CDC42BPB: variants seen among roughly 807,000 people sequenced by gnomAD.
CDC42BPB encodes the protein CDC42 binding protein kinase beta, also known as serine/threonine-protein kinase MRCK beta.
In CDC42BPB, 37 loss-of-function variants were observed where a neutral mutation model predicts 214.9. The observed-to-expected ratio is 0.17, with a 90% CI of 0.13 to 0.23. The LOEUF (loss-of-function observed/expected upper bound fraction) is 0.23, where lower values mean the gene tolerates loss of function less well. CDC42BPB is among the 10% of genes least tolerant of loss of function. The pLI, the probability that CDC42BPB is intolerant of heterozygous loss-of-function variation, is 1.00. For synonymous variants in CDC42BPB, 931 were observed against 884.0 expected (o/e 1.05, Z -0.94); for missense variants, 1,694 against 2,227.0 (o/e 0.76, Z 4.82).
intron 9 of CDC42BPB, 92 bp downstream of exon 9, chr14:102,978,034 A>T (rs1566876168): frequency 4.0e-6 from 4 of 996,770 alleles, no homozygotes; most frequent in Middle Eastern, 2.1e-4. Context: ...CACACCACCC[A>T]CTAGCCCGCC....
intron 5 of CDC42BPB, among the ~76,000 whole-genome samples, chr14:102,995,994 A>G (rs755676542): frequency 1.2e-4 from 18 of 152,214 alleles, no homozygotes; most frequent in Non-Finnish European, 5.9e-5. Flanking sequence ...TTAAAATTAC[A>G]TATTTTGATG....
intron 1 of CDC42BPB, among the ~76,000 whole-genome samples, chr14:103,039,139 A>T (rs1460925784): frequency 6.6e-6 from 1 of 152,124 alleles, no homozygotes; most frequent in Non-Finnish European, 1.5e-5. Flanking sequence ...TAATCAAAAA[A>T]ATACCAAGAA....
rs1886191153 is a variant in CDC42BPB, at chr14:103,012,149, T to C, written c.215A>G (p.His72Arg). The C allele has an allele frequency of 1.2e-6, 2 of 1,613,940 alleles. No individual in the cohort carries two copies. Among genetic ancestry groups the C allele is most frequent in the Non-Finnish European group, 1.7e-6 (2 of 1,179,912 alleles). ...TTTAATTATTTCAAAGTCTTCTCGA[T>C]GAAGCTGCATTTCTTTCACCAGCTG... is the stretch of plus-strand genomic sequence containing the variant. ...FTQLVKEMQL[H>R]REDFEIIKVI... The change falls in exon 2 of 37, where the codon CAT (histidine) becomes CGT (arginine). Residue 72 changes from histidine to arginine, a missense_variant. Coordinates refer to ENST00000361246, the MANE Select transcript of CDC42BPB (RefSeq NM_006035.4).
In CDC42BPB at chr14:102,954,591, C is replaced by A; in HGVS notation, c.2988+11G>T. On this transcript the variant is annotated intron_variant, in intron 22 of 36. Transcript: ENST00000361246. ...CCAGGTGGGAGCATCACCAGGGCAA[C>A]GCTGTCTCACCTCCTGCTGCTCTGA... The A allele has an allele frequency of 3.1e-6, 5 of 1,609,474 alleles. No individual in the cohort carries two copies. The highest frequency in any genetic ancestry group is 4.3e-6 in the Non-Finnish European group (5 of 1,176,306).
At chr14:102,954,321 G>C (rs1170486399) in intron 22 of CDC42BPB, 46 bp from the exon 23 acceptor site, 12 of 1,459,804 alleles carry the variant, frequency 8.2e-6, no homozygotes, top group Non-Finnish European at 1.1e-5. Context: ...GCTCAGCATG[G>C]CTGAGACACC....
rs182994528 is a variant in CDC42BPB, at chr14:103,013,671, G to A, written c.176-1483C>T. Among the ~76,000 whole-genome samples, 122 of 152,376 alleles carry A rather than the reference G, an allele frequency of 8.0e-4. 1 individual carries two copies. The highest frequency in any genetic ancestry group is 2.9e-3 in the African/African-American group (121 of 41,592). On this transcript the variant is annotated intron_variant, in intron 1 of 36. Coordinates refer to ENST00000361246, the MANE Select transcript of CDC42BPB (RefSeq NM_006035.4). Reference sequence around the variant, plus strand: ...GTAAAAAGAGCCAAGTGGGGATGGAGGCAGAGGCGAGAGTGATGCGGCCGC... The same window carrying A: ...GTAAAAAGAGCCAAGTGGGGATGGAAGCAGAGGCGAGAGTGATGCGGCCGC...
intron 5 of CDC42BPB, 70 bp downstream of exon 5, chr14:102,999,495 T>A: frequency 6.5e-7 from 1 of 1,530,438 alleles, no homozygotes. Flanking sequence ...CGGCCTGGAC[T>A]TGGGAGCTCT....
Position 102,968,463 on chromosome 14 carries a change from A to G in CDC42BPB, c.2240+9T>C, listed in dbSNP as rs781557376. The G allele has an allele frequency of 6.2e-7, 1 of 1,613,938 alleles. No individual in the cohort carries two copies. Among genetic ancestry groups the G allele is most frequent in the South Asian group, 1.1e-5 (1 of 91,064 alleles). On this transcript the variant is annotated intron_variant, in intron 15 of 36. Coordinates refer to ENST00000361246, the MANE Select transcript of CDC42BPB (RefSeq NM_006035.4). ...CATCTTCTGAACTGAGAAGCTCATG[A>G]AAACCTACCGTTCTCGCTTTGACTT...
intron 14 of CDC42BPB, 132 bp downstream of exon 14, chr14:102,970,019 G>A (rs1893403118): frequency 1.6e-6 from 1 of 642,300 alleles, no homozygotes; most frequent in African/African-American, 1.8e-5. Flanking sequence ...CTCCACATGT[G>A]GGTCTTGTCT....
intron 20 of CDC42BPB, among the ~76,000 whole-genome samples, chr14:102,960,293 A>C (rs1001926948): frequency 6.6e-6 from 1 of 152,100 alleles, no homozygotes; most frequent in African/African-American, 2.4e-5. Context: ...GATCTACCAG[A>C]TATTAAAGCA....
chr14:102,989,395 C>T (rs1263620508), intron 5 of CDC42BPB, among the ~76,000 whole-genome samples: 1 of 152,228 alleles, frequency 6.6e-6, no homozygotes, highest in Non-Finnish European at 1.5e-5. Context: ...AGCAACCCCA[C>T]TTGTAGAGAT....
intron 26 of CDC42BPB, 38 bp from the exon 27 acceptor site, chr14:102,947,840 G>A (rs756957386): frequency 7.5e-6 from 12 of 1,609,440 alleles, no homozygotes; most frequent in African/African-American, 1.3e-5. Context: ...TGGGAGACAC[G>A]CGCACAGGAC....
At chr14:102,991,307 C>T (rs932635854) in intron 5 of CDC42BPB, among the ~76,000 whole-genome samples, 1 of 152,160 alleles carries the variant, frequency 6.6e-6, no homozygotes, top group Non-Finnish European at 1.5e-5. Flanking sequence ...AACATCAGAC[C>T]AAACCAAAGA....
chr14:103,047,989 T>C (rs921955843), intron 1 of CDC42BPB, among the ~76,000 whole-genome samples: 3 of 151,128 alleles, frequency 2.0e-5, no homozygotes, highest in Non-Finnish European at 4.4e-5. Flanking sequence ...GAAGATTCAC[T>C]CCACCAAAAG....
chr14:102,979,376 T>A (rs979914000), intron 8 of CDC42BPB, among the ~76,000 whole-genome samples: 1 of 152,098 alleles, frequency 6.6e-6, no homozygotes, highest in African/African-American at 2.4e-5. Context: ...CATGCCCGGC[T>A]AATTTTTGTA....
chr14:102,966,473 G>A (rs1202793411), intron 17 of CDC42BPB, 86 bp from the exon 18 acceptor site: 7 of 1,556,882 alleles, frequency 4.5e-6, no homozygotes, highest in East Asian at 2.4e-5. Context: ...CGCCTTCCTC[G>A]GCACACAGTG....
intron 1 of CDC42BPB, among the ~76,000 whole-genome samples, chr14:103,035,452 T>C (rs1218240857): frequency 6.6e-6 from 1 of 152,124 alleles, no homozygotes; most frequent in Non-Finnish European, 1.5e-5. Context: ...TCCAGCACTT[T>C]GGGAGGCCTG....
intron 24 of CDC42BPB, among the ~76,000 whole-genome samples, chr14:102,951,327 T>C (rs1892480680): frequency 6.6e-6 from 1 of 152,150 alleles, no homozygotes; most frequent in South Asian, 2.1e-4. Flanking sequence ...CACAGACCCA[T>C]GGTCAGGAAG....
intron 1 of CDC42BPB, among the ~76,000 whole-genome samples, chr14:103,038,024 G>A (rs555321577): frequency 3.8e-5 from 5 of 132,464 alleles, no homozygotes; most frequent in South Asian, 2.4e-4. Flanking sequence ...GCAAGACTCC[G>A]TCTCAAAAAA....
Sources: gnomAD v4.1 joint callset for allele counts (sites outside exome capture counted in the v4.1 genomes callset) on GRCh38, gnomAD v4.1.1 for gene constraint, MANE v1.5 for transcripts, NCBI Gene and HGNC (gene_info 2026-07-23, HGNC 2026-07-21) for gene names.